The following SMYD3 variants were observed in gnomAD, a reference collection of about 807,000 sequenced individuals.
SMYD3 encodes the protein SET and MYND domain containing 3.
SMYD3 carries 36 observed loss-of-function variants against 57.7 expected under a neutral mutation model. The observed-to-expected ratio is 0.62, with a 90% confidence interval of 0.48 to 0.82. The LOEUF is 0.82. Among genes scored for constraint, SMYD3 ranks in the 40% least tolerant of loss-of-function variants. The pLI, the probability that SMYD3 is intolerant of heterozygous loss-of-function variation, is 0.00. For synonymous variants in SMYD3, 211 were observed against 195.0 expected (o/e 1.08, Z -0.68); for missense variants, 515 against 538.8 (o/e 0.96, Z 0.44).
intron 5 of SMYD3, among the ~76,000 whole-genome samples, chr1:246,307,546 A>C (rs952591242): frequency 6.7e-6 from 1 of 149,904 alleles, no homozygotes. Flanking sequence ...CAGCCTCCCG[A>C]GTAGCTGGGA....
At chr1:246,181,084 G>C (rs1432401927) in intron 5 of SMYD3, among the ~76,000 whole-genome samples, 1 of 152,172 alleles carries the variant, frequency 6.6e-6, no homozygotes, top group African/African-American at 2.4e-5. Context: ...TCCTTGAGAA[G>C]TGGTAGGAAC....
intron 8 of SMYD3, among the ~76,000 whole-genome samples, chr1:245,878,426 G>A (rs2052606620): frequency 6.6e-6 from 1 of 152,202 alleles, no homozygotes; most frequent in African/African-American, 2.4e-5. Flanking sequence ...GGTAGAAGCG[G>A]GTGGTGGGGA....
At chr1:246,330,045 A>C (rs1035039330) in intron 4 of SMYD3, among the ~76,000 whole-genome samples, 6 of 152,204 alleles carry the variant, frequency 3.9e-5, no homozygotes, top group African/African-American at 1.4e-4. Flanking sequence ...ACTGCCACAG[A>C]GACTGAGTCA....
At chr1:245,752,399 C>G (rs1421016123) in intron 11 of SMYD3, among the ~76,000 whole-genome samples, 6 of 152,148 alleles carry the variant, frequency 3.9e-5, no homozygotes, top group Admixed American at 2.6e-4. Context: ...TTTTGCCCTC[C>G]TGGTTACATT....
chr1:245,787,694 G>A (rs1393374819), intron 10 of SMYD3, among the ~76,000 whole-genome samples: 3 of 151,512 alleles, frequency 2.0e-5, no homozygotes, highest in Non-Finnish European at 4.4e-5. Flanking sequence ...TTTCATAGAT[G>A]AGTTTAGATT....
intron 5 of SMYD3, among the ~76,000 whole-genome samples, chr1:245,957,007 A>G (rs2057865377): frequency 6.6e-6 from 1 of 152,210 alleles, no homozygotes; most frequent in African/African-American, 2.4e-5. Flanking sequence ...CTAAACTAGA[A>G]ACGAATCATC....
chr1:245,888,632 G>C (rs1052092728), intron 8 of SMYD3, among the ~76,000 whole-genome samples: 1 of 152,184 alleles, frequency 6.6e-6, no homozygotes, highest in African/African-American at 2.4e-5. Flanking sequence ...GTTTCTTCTA[G>C]CTATTCAAAT....
chr1:245,894,098 G>A (rs1272717953), intron 8 of SMYD3, among the ~76,000 whole-genome samples: 1 of 152,176 alleles, frequency 6.6e-6, no homozygotes, highest in African/African-American at 2.4e-5. Flanking sequence ...GTGGGGAATT[G>A]GAGAACTTTT....
intron 1 of SMYD3, among the ~76,000 whole-genome samples, chr1:246,496,756 T>C (rs928054696): frequency 6.6e-6 from 1 of 152,032 alleles, no homozygotes; most frequent in African/African-American, 2.4e-5. Context: ...AGCCAGGAGG[T>C]TGAGGCTGCA....
chr1:246,247,487 T>TATATATA (rs1558347068), intron 5 of SMYD3, among the ~76,000 whole-genome samples: 24 of 141,348 alleles, frequency 1.7e-4, no homozygotes, highest in East Asian at 1.3e-3. Context: ...ATATATATAT[T>TATATATA]TTTTAACATG....
chr1:246,141,476 T>C (rs35866642), intron 5 of SMYD3, among the ~76,000 whole-genome samples: 76,502 of 151,656 alleles, frequency 0.5, 23,114 homozygotes, highest in Non-Finnish European at 0.69. Flanking sequence ...CCTTGACAGA[T>C]GGTGCATTCC....
intron 5 of SMYD3, among the ~76,000 whole-genome samples, chr1:246,324,357 G>A (rs1253439358): frequency 1.3e-5 from 2 of 148,710 alleles, no homozygotes; most frequent in African/African-American, 5.0e-5. Context: ...GGAGGTTGCA[G>A]TGAGCCGATG....
At chr1:246,453,594 T>C (rs922350992) in intron 1 of SMYD3, among the ~76,000 whole-genome samples, 1 of 152,142 alleles carries the variant, frequency 6.6e-6, no homozygotes, top group Non-Finnish European at 1.5e-5. Flanking sequence ...AAACTCCAAA[T>C]TTACCAAAAG....
intron 5 of SMYD3, among the ~76,000 whole-genome samples, chr1:245,984,283 C>T (rs911074359): frequency 6.6e-6 from 1 of 152,212 alleles, no homozygotes; most frequent in African/African-American, 2.4e-5. Flanking sequence ...CAGGCATAAG[C>T]TACTGACCCA....
At chr1:246,084,021 A>G (rs1205896802) in intron 5 of SMYD3, among the ~76,000 whole-genome samples, 1 of 152,028 alleles carries the variant, frequency 6.6e-6, no homozygotes, top group Non-Finnish European at 1.5e-5. Context: ...TTTTTTTAAT[A>G]CTGTAGTATT....
intron 10 of SMYD3, among the ~76,000 whole-genome samples, chr1:245,779,093 G>C (rs925904585): frequency 6.6e-6 from 1 of 151,664 alleles, no homozygotes; most frequent in African/African-American, 2.4e-5. Context: ...CCAGAAGGAG[G>C]AGGGTGCAAT....
At chr1:246,049,860 C>T (rs2060037293) in intron 5 of SMYD3, among the ~76,000 whole-genome samples, 1 of 152,198 alleles carries the variant, frequency 6.6e-6, no homozygotes, top group Admixed American at 6.5e-5. Flanking sequence ...TAACCCATCT[C>T]AATGTTTCAG....
In SMYD3 at chr1:246,153,496, T is replaced by C. The variant is rs528388371; in HGVS notation, c.531+173705A>G. Among the ~76,000 whole-genome samples, 5 of 152,162 alleles carry C rather than the reference T, an allele frequency of 3.3e-5. No homozygotes were observed. In the South Asian group the frequency reaches 1.0e-3, roughly 32 times the overall value. ...TGATTGGCCGATTGCTTTTCAGGGT[T>C]TCACTCTGTCACCCAGGCTGGAGTG... On this transcript the variant is annotated intron_variant, in intron 5 of 11. Coordinates refer to ENST00000490107, the MANE Select transcript of SMYD3 (RefSeq NM_001167740.2).
At chr1:245,930,235 G>A (rs2056635163) in intron 5 of SMYD3, 1 of 445,680 alleles carries the variant, frequency 2.2e-6, no homozygotes, top group African/African-American at 2.1e-5. Flanking sequence ...CTACCCCAAA[G>A]TTACAGTTAC....
Sources: allele counts gnomAD v4.1 joint callset (sites outside exome capture counted in the v4.1 genomes callset), GRCh38; gene constraint gnomAD v4.1.1; transcripts MANE v1.5; gene names NCBI Gene and HGNC (gene_info 2026-07-23, HGNC 2026-07-21).